Variants in QRICH2 observed in about 807,000 individuals in gnomAD.
QRICH2 encodes the protein glutamine-rich protein 2.
A neutral mutation model predicts 168.3 loss-of-function variants in QRICH2; 119 were observed. That is an observed-to-expected ratio of 0.71 (90% confidence interval 0.61 to 0.82). The LOEUF (loss-of-function observed/expected upper bound fraction) is 0.82, where lower values mean the gene tolerates loss of function less well. QRICH2 is among the 40% of genes least tolerant of loss of function. The probability of loss-of-function intolerance (pLI) is 0.00; values close to 1 mark genes in which losing one functional copy is unlikely to be tolerated. For synonymous variants in QRICH2, 894 were observed against 951.2 expected (o/e 0.94, Z 1.11); for missense variants, 2,241 against 2,491.6 (o/e 0.90, Z 2.14).
rs530038328 is a variant in QRICH2 at position 76,303,686 on chromosome 17, C to T, written c.705+729G>A. On this transcript the variant is annotated intron_variant, in intron 3 of 18. Coordinates refer to ENST00000680821, the MANE Select transcript of QRICH2 (RefSeq NM_001388453.1). Reference sequence around the variant, plus strand: ...GAGATCGAGACTTTCCTGGGCAACACCGTGAAACCCCGTCTCTACTAAAAA... The same window carrying T: ...GAGATCGAGACTTTCCTGGGCAACATCGTGAAACCCCGTCTCTACTAAAAA... Among the ~76,000 whole-genome samples the T allele has an allele frequency of 2.0e-5, 3 of 151,868 alleles. No homozygotes were observed. In the South Asian group the frequency reaches 6.3e-4, roughly 32 times the overall value.
At chr17:76,276,801 G>T in intron 16 of QRICH2, 34 bp from the exon 17 acceptor site, 1 of 1,520,700 alleles carries the variant, frequency 6.6e-7, no homozygotes. Flanking sequence ...CGCCACTGTA[G>T]CAGCCACAGC....
At chr17:76,309,174 A>G (rs1408432033), upstream of QRICH2, among the ~76,000 whole-genome samples, 4 of 149,336 alleles carry the variant, frequency 2.7e-5, no homozygotes, top group African/African-American at 7.3e-5. Flanking sequence ...CCTAGCCAAC[A>G]TAGTGAAACC....
At position 76,280,433 on chromosome 17, in the gene QRICH2, G is replaced by A. The variant is rs1291461682; in HGVS notation, c.4480C>T (p.Leu1494=). 1 of 1,614,078 alleles carries A rather than the reference G, an allele frequency of 6.2e-7. No homozygotes were observed. ...EIDVKADKSA[L]ATKVSRVQFD... Reference sequence around the variant, plus strand: ...TGGACACGGCTCACTTTGGTGGCCAGAGCACTCTTGTCGGCTTTCTGCCCA... The same window carrying A: ...TGGACACGGCTCACTTTGGTGGCCAAAGCACTCTTGTCGGCTTTCTGCCCA... Residue 1494 remains leucine, a synonymous_variant, in exon 11 of 19, where the codon CTG becomes TTG. Transcript: ENST00000680821. This position sits in a 1 kb window ranked among gnomAD's most constrained non-coding sequence, Gnocchi z 7.4.
At position 76,291,713 on chromosome 17, in the gene QRICH2, C is replaced by G; in HGVS notation, c.3014G>C (p.Arg1005Pro). 2 of 1,614,140 alleles carry G rather than the reference C, an allele frequency of 1.2e-6. No homozygotes were observed. Among genetic ancestry groups the G allele is most frequent in the Non-Finnish European group, 1.7e-6 (2 of 1,180,022 alleles). The stretch of plus-strand genomic sequence containing the variant: ...AGGTACCATACCATGTTGATATGGA[C>G]GTACTGATATAAAACCTGTAGAATC... ...QADSTGFISV[R>P]PYQHGMVPPG... The change falls in exon 4 of 19, where the codon CGT (arginine) becomes CCT (proline). Residue 1005 changes from arginine (R) to proline (P), a missense_variant. Arg to Pro is a moderately radical substitution (Grantham distance 103). Coordinates refer to ENST00000680821, the MANE Select transcript of QRICH2 (RefSeq NM_001388453.1).
chr17:76,292,947 C>G lies in QRICH2; in HGVS notation c.1780G>C (p.Gly594Arg). 1.9e-6 allele frequency: 3 copies of G among 1,614,012 alleles called. No homozygotes were observed. The South Asian group carries it at 3.3e-5, about 18-fold the overall frequency. ...GAYQPGLVQP[G>R]ADQRGLVRPG... The stretch of plus-strand genomic sequence containing the variant: ...CGGACCAAACCACGCTGATCTGCAC[C>G]AGGTTGGACCAAGCCAGGCTGATAT... The change falls in exon 4 of 19, where the codon GGT (glycine) becomes CGT (arginine). Residue 594 changes from glycine (G) to arginine (R), a missense_variant. Transcript: ENST00000680821.
chr17:76,274,637 A>G (rs1030233161), intron 18 of QRICH2, among the ~76,000 whole-genome samples: 17 of 152,138 alleles, frequency 1.1e-4, no homozygotes, highest in African/African-American at 3.9e-4. Flanking sequence ...CAGTGCCCTT[A>G]GAGTAGACAC....
At chr17:76,297,823 A>G (rs537054523) in intron 3 of QRICH2, among the ~76,000 whole-genome samples, 6 of 149,660 alleles carry the variant, frequency 4.0e-5, no homozygotes, top group African/African-American at 9.9e-5. Flanking sequence ...GGCTCAAGCA[A>G]TCTTCCCCCT....
At position 76,293,921 on chromosome 17, in the gene QRICH2, A is replaced by T; in HGVS notation, c.806T>A (p.Ile269Asn). The change falls in exon 4 of 19, where the codon ATT becomes AAT. Residue 269 changes from isoleucine (I) to asparagine (N), a missense_variant. Transcript: ENST00000680821. ...ACTGGCAGAATCCAGAGCCTGCTCA[A>T]TACTTGGTTGCTTGGTAGAGTCTCC... is the stretch of plus-strand genomic sequence containing the variant. ...LSGDSTKQPS[I>N]EQALDSASGL... 1.9e-6 allele frequency: 3 copies of T among 1,614,184 alleles called. No individual in the cohort carries two copies. Among genetic ancestry groups the T allele is most frequent in the Non-Finnish European group, 2.5e-6 (3 of 1,180,036 alleles).
intron 3 of QRICH2, among the ~76,000 whole-genome samples, chr17:76,302,833 T>C (rs1271893597): frequency 9.2e-5 from 14 of 151,834 alleles, no homozygotes; most frequent in Non-Finnish European, 1.3e-4. Context: ...GTCCCCTTTT[T>C]CCTCCCGAGG....
chr17:76,293,326 T>A lies in QRICH2; in HGVS notation c.1401A>T (p.Ser467=), dbSNP rs1296322182. The change falls in exon 4 of 19, where the codon TCA becomes TCT. Residue 467 remains serine (S), a synonymous_variant. Transcript: ENST00000680821. ...LPSTDQHGLV[S]VSAYQHGMTF... is the part of the protein sequence containing the mutation. Reference sequence around the variant, plus strand: ...TCATACCATGCTGATATGCACTGACTGAAACCAGACCATGTTGGTCTGTGC... The same window carrying A: ...TCATACCATGCTGATATGCACTGACAGAAACCAGACCATGTTGGTCTGTGC... 6.2e-7 allele frequency: 1 copy of A among 1,614,152 alleles called. No homozygotes were observed.
Position 76,293,135 on chromosome 17 carries a change from T to A in QRICH2, c.1592A>T (p.Asp531Val). 6 of 1,614,204 alleles carry A rather than the reference T, an allele frequency of 3.7e-6. No homozygotes were observed. The highest frequency in any genetic ancestry group is 5.1e-6 in the Non-Finnish European group (6 of 1,180,032). Reference sequence around the variant, plus strand: ...ACCAGGTGATACCAAACCATGCTGGTCTGTAAAAGGTAGAACCAGGCCATG... The same window carrying A: ...ACCAGGTGATACCAAACCATGCTGGACTGTAAAAGGTAGAACCAGGCCATG... Reference protein sequence around the residue: ...DQHGLVLPFTDQHGLVSPGLM... With the variant: ...DQHGLVLPFTVQHGLVSPGLM... Residue 531 changes from aspartate to valine, a missense_variant, in exon 4 of 19, where the codon GAC becomes GTC. This residue lies in a region of QRICH2 where 2,047 missense variants were observed against 2,303.8 expected (regional missense o/e 0.89). Transcript: ENST00000680821.
At chr17:76,279,544 G>T in intron 12 of QRICH2, 116 bp from the exon 13 acceptor site, 1 of 757,064 alleles carries the variant, frequency 1.3e-6, no homozygotes, top group Non-Finnish European at 2.2e-6. Flanking sequence ...TCATGTCCCT[G>T]CTCCCCAGGA....
chr17:76,284,980 A>C (rs866898328), intron 7 of QRICH2, among the ~76,000 whole-genome samples: 18 of 150,118 alleles, frequency 1.2e-4, no homozygotes, highest in Middle Eastern at 3.4e-3. Flanking sequence ...TTTTTGAGAC[A>C]GGGTCTCGCT....
At chr17:76,295,385 T>A (rs2070779583) in intron 3 of QRICH2, among the ~76,000 whole-genome samples, 1 of 152,230 alleles carries the variant, frequency 6.6e-6, no homozygotes, top group South Asian at 2.1e-4. Flanking sequence ...CTGGGCACAG[T>A]GGCTCACGCC....
At chr17:76,278,295 C>A in intron 14 of QRICH2, 106 bp from the exon 15 acceptor site, 1 of 1,169,766 alleles carries the variant, frequency 8.5e-7, no homozygotes. Context: ...CAGGACCCAG[C>A]TAGGCTGGGG....
Position 76,304,431 on chromosome 17 carries a change from C to T in QRICH2, c.689G>A (p.Trp230Ter). The T allele has an allele frequency of 6.2e-7, 1 of 1,612,908 alleles. No individual in the cohort carries two copies. The highest frequency in any genetic ancestry group is 2.2e-5 in the East Asian group (1 of 44,870). The change falls in exon 3 of 19, where the codon TGG becomes TAG. Residue 230 changes from tryptophan (W) to a stop codon, truncating the protein, a stop_gained. Coordinates refer to ENST00000680821, the MANE Select transcript of QRICH2 (RefSeq NM_001388453.1). LOFTEE classifies it high-confidence loss of function. ...CTGGTTCACCGCTTGTGAGGCTCTCCAGCCGTCCGTAATCGCCTGCTCCAG... is the reference window on the plus strand; with the variant it reads ...CTGGTTCACCGCTTGTGAGGCTCTCTAGCCGTCCGTAATCGCCTGCTCCAG... ...EELEQAITDG[W>*]RASQAGSETL...
rs1235504911 is a variant in QRICH2 at position 76,280,937 on chromosome 17, C to T, written c.4280G>A (p.Gly1427Asp). Reference sequence around the variant, plus strand: ...CTGCAGGATGGCACTCTGCACACGGCCCAGCAGCTCCTCGTCCTGCGGCAG... The same window carrying T: ...CTGCAGGATGGCACTCTGCACACGGTCCAGCAGCTCCTCGTCCTGCGGCAG... ...KLQRQDEELLGRVQSAILQVQ... is the reference protein window; with the variant it reads ...KLQRQDEELLDRVQSAILQVQ... The change falls in exon 9 of 19, where the codon GGC becomes GAC. Residue 1427 changes from glycine (G) to aspartate (D), a missense_variant. Coordinates refer to ENST00000680821, the MANE Select transcript of QRICH2 (RefSeq NM_001388453.1). This position sits in a 1 kb window ranked among gnomAD's most constrained non-coding sequence, Gnocchi z 7.4. The T allele has an allele frequency of 6.2e-7, 1 of 1,610,914 alleles. No homozygotes were observed. The highest frequency in any genetic ancestry group is 8.5e-7 in the Non-Finnish European group (1 of 1,179,976).
At position 76,282,101 on chromosome 17, in the gene QRICH2, C is replaced by G; in HGVS notation, c.4026G>C (p.Arg1342Ser). Residue 1342 changes from arginine (R) to serine (S), a missense_variant, in exon 8 of 19, where the codon AGG becomes AGC. By Grantham distance (110) the Arg-to-Ser change is moderately radical. Transcript: ENST00000680821. ...AGGTCAGCATGCTCTCAATGATCATCCTGAGCTTGTCCAACTGCGTGCAGG... is the reference window on the plus strand; with the variant it reads ...AGGTCAGCATGCTCTCAATGATCATGCTGAGCTTGTCCAACTGCGTGCAGG... The part of the protein sequence containing the change: ...LYLQDQLDKL[R>S]MIIESMLTSS... The G allele has an allele frequency of 6.2e-7, 1 of 1,605,138 alleles. No homozygotes were observed. Among genetic ancestry groups the G allele is most frequent in the South Asian group, 1.1e-5 (1 of 90,812 alleles).
intron 3 of QRICH2, 75 bp downstream of exon 3, chr17:76,304,340 C>T (rs895096019): frequency 4.5e-6 from 4 of 886,898 alleles, no homozygotes; most frequent in East Asian, 4.9e-5. Context: ...AGAACAGAAT[C>T]CTGTGCAGCT....
Sources: gnomAD v4.1 joint callset for allele counts (sites outside exome capture counted in the v4.1 genomes callset) on GRCh38, gnomAD v4.1.1 for gene constraint, gnomAD v4.1.1 regional missense constraint, Gnocchi (gnomAD v3.1) non-coding constraint, MANE v1.5 for transcripts, NCBI Gene and HGNC (gene_info 2026-07-23, HGNC 2026-07-21) for gene names.